SLC24A3: variants seen among roughly 807,000 people sequenced by gnomAD.
The protein encoded by SLC24A3 is sodium/potassium/calcium exchanger 3.
Under a neutral mutation model 75.8 loss-of-function variants are expected in SLC24A3, and 28 were observed. The ratio of observed to expected loss-of-function variants is 0.37; its 90% CI spans 0.27 to 0.51. The LOEUF (loss-of-function observed/expected upper bound fraction) is 0.51. Ranked by LOEUF, SLC24A3 falls within the 20% of genes least tolerant of loss-of-function variation. The probability of loss-of-function intolerance (pLI) is 0.94; values close to 1 mark genes in which losing one functional copy is unlikely to be tolerated. For synonymous variants in SLC24A3, 372 were observed against 334.1 expected (o/e 1.11, Z -1.24); for missense variants, 663 against 847.8 (o/e 0.78, Z 2.71).
At chr20:19,628,180 G>A (rs1243037040) in intron 6 of SLC24A3, among the ~76,000 whole-genome samples, 1 of 138,076 alleles carries the variant, frequency 7.2e-6, no homozygotes, top group African/African-American at 2.8e-5. Context: ...CTCCAGCCTG[G>A]CGACACAGCG....
At chr20:19,583,973 A>G (rs985184419) in intron 4 of SLC24A3, among the ~76,000 whole-genome samples, 2 of 152,206 alleles carry the variant, frequency 1.3e-5, no homozygotes, top group African/African-American at 4.8e-5. Flanking sequence ...AGTGACCTAC[A>G]TCAGGGCCAC....
At chr20:19,496,991 C>A (rs149096014) in intron 2 of SLC24A3, among the ~76,000 whole-genome samples, 1 of 152,320 alleles carries the variant, frequency 6.6e-6, no homozygotes, top group Admixed American at 6.5e-5. Flanking sequence ...ACTCCTTCTG[C>A]CTTCTCCTTG....
At chr20:19,595,362 A>G (rs2031438611) in intron 6 of SLC24A3, among the ~76,000 whole-genome samples, 1 of 152,190 alleles carries the variant, frequency 6.6e-6, no homozygotes. Context: ...GGGCCTGGCT[A>G]GCTGATATCC....
At chr20:19,391,869 T>C (rs1235040074) in intron 2 of SLC24A3, among the ~76,000 whole-genome samples, 1 of 152,188 alleles carries the variant, frequency 6.6e-6, no homozygotes, top group African/African-American at 2.4e-5. Flanking sequence ...AAAGAGACAT[T>C]CTGGAGACTT....
chr20:19,657,739 CCATA>C (rs1482143508), intron 7 of SLC24A3, among the ~76,000 whole-genome samples: 1 of 152,150 alleles, frequency 6.6e-6, no homozygotes, highest in Non-Finnish European at 1.5e-5. Context: ...CACAATGTCT[CCATA>C]TCTATTCCAT....
intron 1 of SLC24A3, among the ~76,000 whole-genome samples, chr20:19,251,992 A>G (rs1982670782): frequency 6.6e-6 from 1 of 151,876 alleles, no homozygotes; most frequent in Admixed American, 6.6e-5. Context: ...CCTGAACGCC[A>G]CCTAATGGGA....
chr20:19,325,791 TATATAGAGAGAGAGAGAG>T (rs1463083140), intron 2 of SLC24A3, among the ~76,000 whole-genome samples: 1 of 89,428 alleles, frequency 1.1e-5, no homozygotes, highest in East Asian at 3.8e-4. Flanking sequence ...TATATATATA[TATATAGAGAGAGAGAGAG>T]AGAGAGAGAG....
chr20:19,529,875 T>G (rs2030265077), intron 3 of SLC24A3, among the ~76,000 whole-genome samples: 1 of 152,176 alleles, frequency 6.6e-6, no homozygotes, highest in South Asian at 2.1e-4. Context: ...TTGATTCCAC[T>G]CTTTGCTCTG....
intron 12 of SLC24A3, among the ~76,000 whole-genome samples, chr20:19,690,115 AT>A (rs776629441): frequency 1.3e-5 from 2 of 151,782 alleles, no homozygotes; most frequent in Non-Finnish European, 2.9e-5. Context: ...CCTCAAAATC[AT>A]TTTTAAAAAA....
intron 8 of SLC24A3, among the ~76,000 whole-genome samples, chr20:19,668,310 ACTT>A (rs2032424555): frequency 6.6e-6 from 1 of 152,188 alleles, no homozygotes; most frequent in African/African-American, 2.4e-5. Context: ...TTTACTGTTC[ACTT>A]CTTCTATCTT....
At chr20:19,273,660 G>C (rs1171752583) in intron 1 of SLC24A3, among the ~76,000 whole-genome samples, 1 of 152,082 alleles carries the variant, frequency 6.6e-6, no homozygotes, top group African/African-American at 2.4e-5. Flanking sequence ...CTCTGGTCCA[G>C]CCCCAGGAGG....
intron 2 of SLC24A3, among the ~76,000 whole-genome samples, chr20:19,377,701 T>C (rs1314427956): frequency 6.6e-6 from 1 of 152,236 alleles, no homozygotes; most frequent in Non-Finnish European, 1.5e-5. Flanking sequence ...GTTTTGTCCT[T>C]CCATGGATTT....
intron 7 of SLC24A3, among the ~76,000 whole-genome samples, chr20:19,660,514 A>G (rs1382743685): frequency 6.6e-6 from 1 of 152,196 alleles, no homozygotes; most frequent in Non-Finnish European, 1.5e-5. Context: ...TATATAAACC[A>G]TATTTTCCTT....
chr20:19,512,834 A>T (rs2029909000), intron 2 of SLC24A3, among the ~76,000 whole-genome samples: 1 of 152,196 alleles, frequency 6.6e-6, no homozygotes, highest in African/African-American at 2.4e-5. Context: ...TAAAGAGCTA[A>T]CTGGATGCCA....
At chr20:19,446,688 C>T (rs980787639) in intron 2 of SLC24A3, among the ~76,000 whole-genome samples, 3 of 152,188 alleles carry the variant, frequency 2.0e-5, no homozygotes, top group African/African-American at 7.2e-5. Context: ...GAGACCTCAG[C>T]TTTGCCACTA....
intron 2 of SLC24A3, among the ~76,000 whole-genome samples, chr20:19,500,444 G>A (rs1051407991): frequency 2.0e-5 from 3 of 152,070 alleles, no homozygotes; most frequent in African/African-American, 7.2e-5. Context: ...TTATGAGTTA[G>A]GATTGACAGT....
intron 3 of SLC24A3, among the ~76,000 whole-genome samples, chr20:19,516,898 C>T (rs1193351323): frequency 6.6e-6 from 1 of 152,190 alleles, no homozygotes; most frequent in Admixed American, 6.5e-5. Flanking sequence ...GCTTGAAGCC[C>T]ACTTCTGCTG....
At chr20:19,690,030 C>CAAAAAAA (rs538406361) in intron 12 of SLC24A3, among the ~76,000 whole-genome samples, 198 of 87,550 alleles carry the variant, frequency 2.3e-3, no homozygotes, top group Non-Finnish European at 2.5e-3. Flanking sequence ...GACTCTGTCT[C>CAAAAAAA]AAAAAAAAAA....
chr20:19,409,847 G>GTGTATA (rs552951932), intron 2 of SLC24A3, among the ~76,000 whole-genome samples: 2 of 146,284 alleles, frequency 1.4e-5, no homozygotes, highest in South Asian at 4.3e-4. Context: ...GTGTGTGTGT[G>GTGTATA]TATATATATA....
Sources: gnomAD v4.1 joint callset for allele counts (sites outside exome capture counted in the v4.1 genomes callset) on GRCh38, gnomAD v4.1.1 for gene constraint, MANE v1.5 for transcripts, NCBI Gene and HGNC (gene_info 2026-07-23, HGNC 2026-07-21) for gene names.